The following STX6 variants were observed in gnomAD, a reference collection of about 807,000 sequenced individuals.
STX6 encodes syntaxin 6, also known as syntaxin-6.
A neutral mutation model predicts 38.0 loss-of-function variants in STX6; 23 were observed. That is an observed-to-expected ratio of 0.60 (90% CI 0.43 to 0.86). The LOEUF is 0.86. STX6 is among the 40% of genes least tolerant of loss of function. The pLI, the probability that STX6 is intolerant of heterozygous loss-of-function variation, is 0.00. For synonymous variants in STX6, 123 were observed against 107.5 expected, an observed-to-expected ratio of 1.14 and a Z score of -0.89; for missense variants, 274 against 312.9, an observed-to-expected ratio of 0.88 and a Z score of 0.94.
At position 181,021,249 on chromosome 1, in the gene STX6, A is replaced by T. The variant is rs540742989; in HGVS notation, c.35+1390T>A. ...GCCAACCTAAGCATTAAGAACTTTCAATCAAGGAAAAAACATCTATTTTAA... is the reference window on the plus strand; with the variant it reads ...GCCAACCTAAGCATTAAGAACTTTCTATCAAGGAAAAAACATCTATTTTAA... On this transcript the variant is annotated intron_variant, in intron 1 of 7. Coordinates refer to ENST00000258301, the MANE Select transcript of STX6 (RefSeq NM_005819.6). Among the ~76,000 whole-genome samples, 18 of 152,322 alleles carry T rather than the reference A, an allele frequency of 1.2e-4. No individual in the cohort carries two copies. The East Asian group carries it at 3.3e-3, about 28-fold the overall frequency.
intron 3 of STX6, among the ~76,000 whole-genome samples, chr1:180,994,881 A>G (rs181505841): frequency 3.9e-4 from 60 of 152,306 alleles, no homozygotes; most frequent in Non-Finnish European, 7.8e-4. Context: ...CCTTCATTTG[A>G]TCATTACGCA....
intron 7 of STX6, among the ~76,000 whole-genome samples, chr1:180,979,404 C>T (rs1268584788): frequency 1.3e-5 from 2 of 152,190 alleles, no homozygotes; most frequent in Admixed American, 1.3e-4. Context: ...ATACAGTCAA[C>T]TGATCTTTCA....
chr1:180,997,778 T>C (rs999837776), intron 3 of STX6, among the ~76,000 whole-genome samples: 9 of 152,248 alleles, frequency 5.9e-5, no homozygotes, highest in Non-Finnish European at 1.0e-4. Flanking sequence ...ATGTCCACAA[T>C]GTAATTTTTC....
rs11400378 is a variant in STX6 at position 181,013,157 on chromosome 1, C to CAA, written c.36-7696_36-7695dup. On this transcript the variant is annotated intron_variant, in intron 1 of 7. Coordinates refer to ENST00000258301, the MANE Select transcript of STX6 (RefSeq NM_005819.6). ...TAATACATTCAGTCCAAATACAGTC[C>CAA]AAAAAAAAAAAAAATCACAAAGTTT... Among the ~76,000 whole-genome samples the CAA allele has an allele frequency of 8.0e-3, 1,116 of 139,082 alleles. 6 individuals carry two copies. Among genetic ancestry groups the CAA allele is most frequent in the South Asian group, 0.017 (73 of 4,312 alleles). 91.2% of individuals were successfully genotyped at this position (139,082 alleles called of 152,430 possible).
In STX6 at chr1:181,002,533, C is replaced by T. The variant is rs1656112567; in HGVS notation, c.300+73G>A. 6.4e-6 allele frequency: 7 copies of T among 1,096,478 alleles called. No individual in the cohort carries two copies. In the Admixed American group the frequency reaches 8.4e-5, roughly 13 times the overall value. 67.9% of individuals were successfully genotyped at this position (1,096,478 alleles called of 1,614,324 possible). A position where few individuals can be genotyped will look rare whatever the true frequency, so the allele number is the denominator to read the frequency against. On this transcript the variant is annotated intron_variant, in intron 3 of 7. Transcript: ENST00000258301. ...GTTTCAGAGGTGACCTATTAGTTTA[C>T]AATTAAGGGAAAGAGCTCTAAGAAG... is the stretch of plus-strand genomic sequence containing the variant.
Position 181,016,918 on chromosome 1 carries a change from C to T in STX6, c.35+5721G>A, listed in dbSNP as rs566343425. Among the ~76,000 whole-genome samples the T allele has an allele frequency of 7.1e-4, 107 of 151,462 alleles. 1 individual carries two copies. The highest frequency in any genetic ancestry group is 6.8e-3 in the Middle Eastern group (2 of 294). On this transcript the variant is annotated intron_variant, in intron 1 of 7. Transcript: ENST00000258301. ...CCTGGTAAACACAGTGAAACCCTGTCTCTACTAAAAATACAAAAACTATCC... is the reference window on the plus strand; with the variant it reads ...CCTGGTAAACACAGTGAAACCCTGTTTCTACTAAAAATACAAAAACTATCC...
intron 1 of STX6, among the ~76,000 whole-genome samples, chr1:181,007,226 C>T (rs1656250970): frequency 6.6e-6 from 1 of 152,256 alleles, no homozygotes; most frequent in Middle Eastern, 3.4e-3. Context: ...CTACGCACAT[C>T]CTCCTACATA....
chr1:181,013,068 T>C (rs1010746194), intron 1 of STX6, among the ~76,000 whole-genome samples: 6 of 152,062 alleles, frequency 3.9e-5, no homozygotes, highest in African/African-American at 1.2e-4. Context: ...CGTCAGATAG[T>C]TGAGCCTCTT....
At chr1:180,978,583 G>C (rs1655316280) in intron 7 of STX6, among the ~76,000 whole-genome samples, 1 of 152,172 alleles carries the variant, frequency 6.6e-6, no homozygotes, top group South Asian at 2.1e-4. Context: ...GCAGGCGGAG[G>C]GGAAAAAGAA....
intron 1 of STX6, among the ~76,000 whole-genome samples, chr1:181,021,236 A>G (rs1205786550): frequency 2.0e-5 from 3 of 152,222 alleles, no homozygotes; most frequent in Non-Finnish European, 1.5e-5. Flanking sequence ...CAACCTAAGC[A>G]TTAAGAACTT....
chr1:180,987,149 G>A (rs1370658783), intron 6 of STX6, among the ~76,000 whole-genome samples: 1 of 152,120 alleles, frequency 6.6e-6, no homozygotes, highest in East Asian at 1.9e-4. Flanking sequence ...GAACCTCTCT[G>A]CTCCATGCAC....
chr1:181,011,219 A>T (rs1656389749), intron 1 of STX6, among the ~76,000 whole-genome samples: 1 of 152,232 alleles, frequency 6.6e-6, no homozygotes, highest in Non-Finnish European at 1.5e-5. Context: ...TACATTTTTA[A>T]GATGGATGTT....
chr1:181,002,633 GA>G lies in STX6; in HGVS notation c.272del (p.Phe91SerfsTer12). 6.2e-7 allele frequency: 1 copy of G among 1,613,470 alleles called. No homozygotes were observed. The highest frequency in any genetic ancestry group is 1.3e-5 in the African/African-American group (1 of 74,996). On this transcript the variant is annotated frameshift_variant, in exon 3 of 8. Coordinates refer to ENST00000258301, the MANE Select transcript of STX6 (RefSeq NM_005819.6). LOFTEE classifies it high-confidence loss of function. ...DATELSIRKA[F>X]ITSTRQVVRD... is the part of the protein sequence containing the mutation. ...TGACAACTTGCCGAGTACTTGTAAT[GA>G]AGGCTTTTCTTATACTCAATTCAGT...
intron 5 of STX6, 99 bp from the exon 6 acceptor site, chr1:180,988,444 C>A: frequency 2.3e-6 from 2 of 863,292 alleles, no homozygotes; most frequent in Admixed American, 2.0e-5. Flanking sequence ...CAACTTGGGA[C>A]AATTCACATT....
At chr1:181,004,603 C>T (rs1468041492) in intron 2 of STX6, among the ~76,000 whole-genome samples, 2 of 152,242 alleles carry the variant, frequency 1.3e-5, no homozygotes, top group Non-Finnish European at 2.9e-5. Flanking sequence ...GGAAGTGCTG[C>T]ACCTTTTCTC....
intron 1 of STX6, among the ~76,000 whole-genome samples, chr1:181,008,470 G>C (rs1214857832): frequency 6.6e-6 from 1 of 152,046 alleles, no homozygotes; most frequent in Non-Finnish European, 1.5e-5. Context: ...AAAAAGTTTT[G>C]GATTTTGGAA....
At chr1:181,012,172 A>C (rs1350463396) in intron 1 of STX6, among the ~76,000 whole-genome samples, 1 of 152,218 alleles carries the variant, frequency 6.6e-6, no homozygotes, top group Non-Finnish European at 1.5e-5. Context: ...GCTCACCCAC[A>C]GCTTGGAGAA....
intron 6 of STX6, 143 bp from the exon 7 acceptor site, chr1:180,984,914 A>C (rs866311408): frequency 4.2e-6 from 2 of 475,204 alleles, no homozygotes; most frequent in Non-Finnish European, 7.7e-6. Context: ...GTTATCCAAA[A>C]TCCTTGGGAC....
rs1471267907 is a variant in STX6, at chr1:180,973,520, T to A, written c.*3050A>T. On this transcript the variant is annotated 3_prime_UTR_variant, in exon 8 of 8. Transcript: ENST00000258301. Reference sequence around the variant, plus strand: ...TCACGAGGTGAGAAGGAGTGGAAGTTGCCAAGTTGTTGGCTACCAGACCCA... The same window carrying A: ...TCACGAGGTGAGAAGGAGTGGAAGTAGCCAAGTTGTTGGCTACCAGACCCA... 6.5e-6 allele frequency: 1 copy of A among 152,684 alleles called. No homozygotes were observed. Among genetic ancestry groups the A allele is most frequent in the Non-Finnish European group, 1.5e-5 (1 of 68,044 alleles). 9.5% of individuals were successfully genotyped at this position (152,684 alleles called of 1,614,324 possible). A position where few individuals can be genotyped will look rare whatever the true frequency, so the allele number is the denominator to read the frequency against.
Sources: allele counts gnomAD v4.1 joint callset (sites outside exome capture counted in the v4.1 genomes callset), GRCh38; gene constraint gnomAD v4.1.1; transcripts MANE v1.5; gene names NCBI Gene and HGNC (gene_info 2026-07-23, HGNC 2026-07-21).